The following UNC5D variants were observed in gnomAD, a reference collection of about 807,000 sequenced individuals.
UNC5D encodes the protein unc-5 netrin receptor D.
A neutral mutation model predicts 105.4 loss-of-function variants in UNC5D; 39 were observed. The observed-to-expected ratio is 0.37, with a 90% CI of 0.29 to 0.48. The LOEUF (loss-of-function observed/expected upper bound fraction) is 0.48. Among genes scored for constraint, UNC5D ranks in the 20% least tolerant of loss-of-function variants. UNC5D has a pLI of 0.98. For missense variants in UNC5D, 991 were observed against 1,202.4 expected (o/e 0.82, Z 2.60); for synonymous variants, 452 against 450.4 (o/e 1.00, Z -0.04).
chr8:35,770,894 C>G (rs1471028839), intron 15 of UNC5D, among the ~76,000 whole-genome samples: 5 of 152,082 alleles, frequency 3.3e-5, no homozygotes, highest in Non-Finnish European at 2.9e-5. Flanking sequence ...CTTAGCTTAC[C>G]AGGTAGCAGC....
At chr8:35,489,016 T>C (rs1811019172) in intron 1 of UNC5D, among the ~76,000 whole-genome samples, 1 of 152,052 alleles carries the variant, frequency 6.6e-6, no homozygotes. Flanking sequence ...CCAATTTTTT[T>C]TTTTTTTTGA....
intron 1 of UNC5D, among the ~76,000 whole-genome samples, chr8:35,419,214 T>C (rs1805726242): frequency 6.6e-6 from 1 of 152,196 alleles, no homozygotes. Context: ...TTTGAATCTT[T>C]GTGACCAGCT....
intron 7 of UNC5D, among the ~76,000 whole-genome samples, chr8:35,695,230 G>T (rs1243488749): frequency 2.0e-5 from 3 of 152,130 alleles, no homozygotes; most frequent in Admixed American, 1.3e-4. Flanking sequence ...CTGATAAGTA[G>T]CTGAATGAAC....
chr8:35,249,123 A>T (rs1411745163), intron 1 of UNC5D, among the ~76,000 whole-genome samples: 1 of 132,262 alleles, frequency 7.6e-6, no homozygotes, highest in Non-Finnish European at 1.6e-5. Flanking sequence ...TTATATATAT[A>T]AAATTATATA....
intron 1 of UNC5D, among the ~76,000 whole-genome samples, chr8:35,420,170 T>C (rs927852883): frequency 3.9e-5 from 6 of 152,168 alleles, no homozygotes; most frequent in Non-Finnish European, 5.9e-5. Flanking sequence ...GTCTATCATA[T>C]TGAAGAATCA....
At chr8:35,631,341 C>G (rs146468386) in intron 4 of UNC5D, among the ~76,000 whole-genome samples, 1 of 151,718 alleles carries the variant, frequency 6.6e-6, no homozygotes, top group Non-Finnish European at 1.5e-5. Context: ...TTTGGCCTGA[C>G]TGCTTTGTTT....
At chr8:35,758,836 T>C (rs191897664) in intron 13 of UNC5D, among the ~76,000 whole-genome samples, 392 of 152,322 alleles carry the variant, frequency 2.6e-3, no homozygotes, top group African/African-American at 8.7e-3. Flanking sequence ...ACTGGGACAT[T>C]TATTTTAAGC....
chr8:35,721,440 C>T, intron 8 of UNC5D: 1 of 702,716 alleles, frequency 1.4e-6, no homozygotes, highest in Non-Finnish European at 2.6e-6. Context: ...TTTGCTTTGC[C>T]CATGCATTCA....
At chr8:35,399,178 A>G (rs552542093) in intron 1 of UNC5D, among the ~76,000 whole-genome samples, 255 of 151,244 alleles carry the variant, frequency 1.7e-3, no homozygotes, top group Admixed American at 4.2e-3. Flanking sequence ...AGTCCTCTAC[A>G]TAACCATTAA....
At chr8:35,567,702 C>T (rs1011889977) in intron 2 of UNC5D, among the ~76,000 whole-genome samples, 6 of 152,086 alleles carry the variant, frequency 3.9e-5, no homozygotes, top group African/African-American at 1.2e-4. Context: ...CAAACCCAGA[C>T]GTAGGGGCAC....
chr8:35,361,231 G>T (rs576062630), intron 1 of UNC5D, among the ~76,000 whole-genome samples: 36 of 152,138 alleles, frequency 2.4e-4, no homozygotes, highest in African/African-American at 8.2e-4. Context: ...CTCTGTTCCA[G>T]TTTACCTTAT....
intron 8 of UNC5D, among the ~76,000 whole-genome samples, chr8:35,715,167 A>C (rs1828186539): frequency 6.6e-6 from 1 of 152,242 alleles, no homozygotes; most frequent in South Asian, 2.1e-4. Flanking sequence ...AACAAACAAA[A>C]AAAAGAATGA....
chr8:35,715,971 G>T (rs1828229437), intron 8 of UNC5D, among the ~76,000 whole-genome samples: 1 of 152,098 alleles, frequency 6.6e-6, no homozygotes, highest in South Asian at 2.1e-4. Context: ...GCACAATTTG[G>T]CCATAGAATG....
At chr8:35,669,373 T>G (rs745395967) in intron 4 of UNC5D, among the ~76,000 whole-genome samples, 12 of 152,136 alleles carry the variant, frequency 7.9e-5, no homozygotes, top group Non-Finnish European at 1.6e-4. Flanking sequence ...AGTCAGTACC[T>G]AACAGTGCAG....
intron 15 of UNC5D, among the ~76,000 whole-genome samples, chr8:35,772,666 C>A (rs1299466540): frequency 1.3e-5 from 2 of 152,056 alleles, no homozygotes; most frequent in African/African-American, 4.8e-5. Context: ...CTTTACTTAC[C>A]CCTTGGATTA....
Position 35,327,251 on chromosome 8 carries a change from G to T in UNC5D, c.103+91364G>T, listed in dbSNP as rs563404305. On this transcript the variant is annotated intron_variant, in intron 1 of 16. Coordinates refer to ENST00000404895, the MANE Select transcript of UNC5D (RefSeq NM_080872.4). ...TGATGAGCATACAGCTCACTCGCTTGCAACTATGTAAATTATATCAGTTAA... is the reference window on the plus strand; with the variant it reads ...TGATGAGCATACAGCTCACTCGCTTTCAACTATGTAAATTATATCAGTTAA... 3.4e-3 allele frequency among the ~76,000 whole-genome samples: 518 copies of T among 152,240 alleles called. 6 individuals are homozygous for T. Among genetic ancestry groups the T allele is most frequent in the African/African-American group, 0.012 (502 of 41,530 alleles).
chr8:35,732,863 A>G (rs1829271189), intron 11 of UNC5D, among the ~76,000 whole-genome samples: 1 of 152,148 alleles, frequency 6.6e-6, no homozygotes. Context: ...ACTTACCTGC[A>G]ATTTTAAAGT....
intron 11 of UNC5D, among the ~76,000 whole-genome samples, chr8:35,734,844 G>T (rs1218773087): frequency 6.8e-6 from 1 of 146,028 alleles, no homozygotes; most frequent in African/African-American, 2.7e-5. Context: ...GTGCAATGGC[G>T]CCATCTTGGC....
intron 1 of UNC5D, among the ~76,000 whole-genome samples, chr8:35,377,074 CA>C (rs1276164241): frequency 6.6e-6 from 1 of 152,206 alleles, no homozygotes; most frequent in Non-Finnish European, 1.5e-5. Context: ...GGCTTTTTCA[CA>C]AGAGCACACC....
Sources: allele counts gnomAD v4.1 joint callset (sites outside exome capture counted in the v4.1 genomes callset), GRCh38; gene constraint gnomAD v4.1.1; transcripts MANE v1.5; gene names NCBI Gene and HGNC (gene_info 2026-07-23, HGNC 2026-07-21).